The following TUBGCP5 variants were observed in gnomAD, a reference collection of about 807,000 sequenced individuals.
The protein encoded by TUBGCP5 is gamma-tubulin complex component 5.
Under a neutral mutation model 134.7 loss-of-function variants are expected in TUBGCP5, and 98 were observed. The observed-to-expected ratio is 0.73, with a 90% CI of 0.62 to 0.86. The LOEUF is 0.86. TUBGCP5 is among the 40% of genes least tolerant of loss of function. The pLI is 0.00. For synonymous variants in TUBGCP5, 456 were observed against 431.4 expected (o/e 1.06, Z -0.71); for missense variants, 1,150 against 1,244.8 (o/e 0.92, Z 1.15).
At chr15:23,024,893 G>T in intron 8 of TUBGCP5, 63 bp from the exon 9 acceptor site, 4 of 998,926 alleles carry the variant, frequency 4.0e-6, no homozygotes, top group Admixed American at 2.3e-5. Context: ...ATGACAGTAT[G>T]CCCAGGACAT....
chr15:23,017,714 G>A, intron 13 of TUBGCP5, 59 bp downstream of exon 13: 3 of 1,513,994 alleles, frequency 2.0e-6, no homozygotes, highest in South Asian at 2.5e-5. Context: ...AGGATGACAA[G>A]AGCGAGTAGG....
chr15:23,029,286 A>G (rs1174925886), intron 6 of TUBGCP5, among the ~76,000 whole-genome samples: 1 of 152,122 alleles, frequency 6.6e-6, no homozygotes, highest in Non-Finnish European at 1.5e-5. Flanking sequence ...CAATGGTGTG[A>G]TCTTGGCTCT....
intron 6 of TUBGCP5, among the ~76,000 whole-genome samples, chr15:23,030,008 A>T (rs2066216710): frequency 1.3e-5 from 2 of 152,210 alleles, no homozygotes; most frequent in Admixed American, 1.3e-4. Flanking sequence ...TAGCCTGGGC[A>T]ACATGGTGAA....
rs2064940833 is a variant in TUBGCP5, at chr15:23,009,988, C to G, written c.2101G>C (p.Asp701His). The G allele has an allele frequency of 1.2e-6, 2 of 1,613,988 alleles. No individual in the cohort carries two copies. Among genetic ancestry groups the G allele is most frequent in the Non-Finnish European group, 1.7e-6 (2 of 1,179,972 alleles). Reference protein sequence around the residue: ...LYPHIDKQYLDCCGNLMQTLK... With the variant: ...LYPHIDKQYLHCCGNLMQTLK... ...GTTTGCATGAGATTTCCACAGCAATCTAGATACTGCTTGTCAATATGAGGA... is the reference window on the plus strand; with the variant it reads ...GTTTGCATGAGATTTCCACAGCAATGTAGATACTGCTTGTCAATATGAGGA... The change falls in exon 15 of 23, where the codon GAT (aspartate) becomes CAT (histidine). Residue 701 changes from aspartate (D) to histidine (H), a missense_variant. Physicochemically the swap from Asp to His is moderately conservative, Grantham distance 81 (BLOSUM62 -1). Around this residue, in one of 2 missense-constraint regions of TUBGCP5, gnomAD observed 697 missense variants for 850.1 expected, o/e 0.82. Coordinates refer to ENST00000615383, the MANE Select transcript of TUBGCP5 (RefSeq NM_052903.6).
At chr15:23,031,877 A>G (rs2066332079) in intron 5 of TUBGCP5, 73 bp downstream of exon 5, 3 of 1,203,484 alleles carry the variant, frequency 2.5e-6, no homozygotes, top group South Asian at 3.0e-5. Context: ...CCTAGGGTGG[A>G]AAGACCCATG....
chr15:23,011,381 T>C, intron 13 of TUBGCP5, 50 bp from the exon 14 acceptor site: 1 of 1,318,952 alleles, frequency 7.6e-7, no homozygotes, highest in Non-Finnish European at 1.1e-6. Flanking sequence ...TTTAATCATA[T>C]TAAGTAACAT....
At chr15:23,016,497 GAA>G (rs34275068) in intron 13 of TUBGCP5, among the ~76,000 whole-genome samples, 6 of 102,812 alleles carry the variant, frequency 5.8e-5, no homozygotes, top group Admixed American at 1.2e-4. Flanking sequence ...TCTGTCTCAG[GAA>G]AAAAAAAAAA....
At chr15:23,000,449 T>C in intron 22 of TUBGCP5, 120 bp downstream of exon 22, 1 of 1,490,874 alleles carries the variant, frequency 6.7e-7, no homozygotes, top group Non-Finnish European at 8.9e-7. Flanking sequence ...TAAGGGACTT[T>C]TCAGTTTTGA....
chr15:22,987,895 CAAAAAAAAAAAA>C lies in TUBGCP5; in HGVS notation c.*62-4296_*62-4285del, dbSNP rs869168765. 6.3e-4 allele frequency among the ~76,000 whole-genome samples: 13 copies of C among 20,492 alleles called. No homozygotes were observed. In the East Asian group the frequency reaches 9.2e-3, roughly 14 times the overall value. The allele number at this position is 20,492 out of a possible 152,430, so 13.4% of individuals were successfully genotyped here. On this transcript the variant is annotated intron_variant and NMD_transcript_variant, in intron 23 of 23. Transcript: ENST00000614508. ...TGGGTGACAGAGCGAGACTCCATCT[CAAAAAAAAAAAA>C]AAAAAAAAAAAAAAAAGACACCCCA...
intron 19 of TUBGCP5, chr15:23,004,457 A>C (rs2064582739): frequency 2.1e-6 from 1 of 481,804 alleles, no homozygotes; most frequent in African/African-American, 2.0e-5. Context: ...TTGCACAGTG[A>C]ATGAATGAAC....
chr15:23,024,011 C>T lies in TUBGCP5; in HGVS notation c.1104G>A (p.Leu368=). 1 of 1,614,078 alleles carries T rather than the reference C, an allele frequency of 6.2e-7. No individual in the cohort carries two copies. Among genetic ancestry groups the T allele is most frequent in the Non-Finnish European group, 8.5e-7 (1 of 1,179,978 alleles). The part of the protein sequence containing the change: ...FRTYQAFMWA[L]YKYFISFKEE... Reference sequence around the variant, plus strand: ...CTTTGAAACTAATGAAATATTTGTACAGGGCCCACATGAAAGCCTGGTAGG... The same window carrying T: ...CTTTGAAACTAATGAAATATTTGTATAGGGCCCACATGAAAGCCTGGTAGG... The change falls in exon 10 of 23, where the codon CTG becomes CTA. Residue 368 remains leucine, a synonymous_variant. Transcript: ENST00000615383.
chr15:23,002,995 G>T, intron 21 of TUBGCP5, 70 bp downstream of exon 21: 1 of 1,500,670 alleles, frequency 6.7e-7, no homozygotes, highest in Non-Finnish European at 9.2e-7. Context: ...GGAAGACCCT[G>T]TCTCTAAAAA....
chr15:23,023,968 C>A lies in TUBGCP5; in HGVS notation c.1147G>T (p.Glu383Ter). ...ATACCATTATTGATGATGCACTTCT[C>A]AATTTCTGCAAGTTCCTCTTTGAAA... ...ISFKEELAEIEKCIINNDTTI... is the reference protein window; with the variant it reads ...ISFKEELAEI The change falls in exon 10 of 23, where the codon GAG becomes TAG. Residue 383 changes from glutamate to a stop codon, truncating the protein, a stop_gained. Coordinates refer to ENST00000615383, the MANE Select transcript of TUBGCP5 (RefSeq NM_052903.6). LOFTEE classifies it high-confidence loss of function. The A allele has an allele frequency of 6.2e-7, 1 of 1,613,940 alleles. No homozygotes were observed. The highest frequency in any genetic ancestry group is 1.1e-5 in the South Asian group (1 of 91,040).
At chr15:23,010,625 G>A (rs558606060) in intron 14 of TUBGCP5, among the ~76,000 whole-genome samples, 29 of 152,068 alleles carry the variant, frequency 1.9e-4, no homozygotes, top group Non-Finnish European at 2.9e-4. Flanking sequence ...TTCCACAAAC[G>A]ACATGGAATC....
chr15:23,022,733 A>G (rs1038365005), intron 10 of TUBGCP5, among the ~76,000 whole-genome samples: 1 of 152,244 alleles, frequency 6.6e-6, no homozygotes, highest in East Asian at 1.9e-4. Flanking sequence ...TGCTGTGTCA[A>G]TGTCAGTTTC....
At chr15:23,026,277 C>G (rs774812034) in intron 7 of TUBGCP5, 72 bp from the exon 8 acceptor site, 139 of 1,375,236 alleles carry the variant, frequency 1.0e-4, no homozygotes, top group Non-Finnish European at 1.3e-4. Context: ...CAAAGAATAT[C>G]TGCAATTTAG....
At chr15:23,016,875 G>A (rs201037017) in intron 13 of TUBGCP5, among the ~76,000 whole-genome samples, 2 of 150,326 alleles carry the variant, frequency 1.3e-5, no homozygotes, top group Admixed American at 6.6e-5. Context: ...AGAGACATCC[G>A]CACCCCCATG....
At chr15:23,002,644 CAAGT>C (rs1404815250) in intron 21 of TUBGCP5, among the ~76,000 whole-genome samples, 1 of 152,138 alleles carries the variant, frequency 6.6e-6, no homozygotes, top group African/African-American at 2.4e-5. Flanking sequence ...AATAATTCAG[CAAGT>C]GTGACTGGGG....
chr15:23,010,146 A>C lies in TUBGCP5; in HGVS notation c.1956-13T>G, dbSNP rs763176743. Reference sequence around the variant, plus strand: ...CTCCAAATACATCCTTCAAGATAAAAATGTGAGTCTTCTTTTTATGAGCTG... The same window carrying C: ...CTCCAAATACATCCTTCAAGATAAACATGTGAGTCTTCTTTTTATGAGCTG... On this transcript the variant is annotated splice_polypyrimidine_tract_variant and intron_variant, in intron 14 of 22. Transcript: ENST00000615383. The C allele has an allele frequency of 3.7e-5, 59 of 1,604,682 alleles. No homozygotes were observed. Among genetic ancestry groups the C allele is most frequent in the Non-Finnish European group, 4.9e-5 (57 of 1,173,642 alleles).
Sources: gnomAD v4.1 joint callset for allele counts (sites outside exome capture counted in the v4.1 genomes callset) on GRCh38, gnomAD v4.1.1 for gene constraint, gnomAD v4.1.1 regional missense constraint, MANE v1.5 for transcripts, NCBI Gene and HGNC (gene_info 2026-07-23, HGNC 2026-07-21) for gene names.